The following PTPRA variants were observed in gnomAD, a reference collection of about 807,000 sequenced individuals.
PTPRA encodes receptor-type tyrosine-protein phosphatase alpha.
In PTPRA, 25 loss-of-function variants were observed where a neutral mutation model predicts 104.8. The observed-to-expected ratio is 0.24, with a 90% CI of 0.17 to 0.33. The LOEUF is 0.33. PTPRA is among the 10% of genes least tolerant of loss of function. PTPRA has a pLI of 1.00. For missense variants in PTPRA, 765 were observed against 1,015.3 expected, an observed-to-expected ratio of 0.75 and a Z score of 3.35; for synonymous variants, 323 against 368.9, an observed-to-expected ratio of 0.88 and a Z score of 1.43.
intron 1 of PTPRA, among the ~76,000 whole-genome samples, chr20:2,899,835 A>G (rs1311586031): frequency 6.6e-6 from 1 of 152,160 alleles, no homozygotes; most frequent in African/African-American, 2.4e-5. Context: ...GGCCAGGCAC[A>G]GTGGCTCTTG....
rs1351578625 is a variant in PTPRA, at chr20:2,873,628, G to T, written c.-261G>T. ...CCCTCGCCATGGAGGCGAGGCCGCC[G>T]CCGCCGCCGCGGGGCTCGGAGCCGC... is the stretch of plus-strand genomic sequence containing the variant. On this transcript the variant is annotated 5_prime_UTR_variant, in exon 1 of 24. Coordinates refer to ENST00000399903, the MANE Select transcript of PTPRA (RefSeq NM_001385305.1). This position sits in a 1 kb window ranked among gnomAD's most constrained non-coding sequence, Gnocchi z 4.4. 6.6e-6 allele frequency: 1 copy of T among 150,658 alleles called. No homozygotes were observed. Among genetic ancestry groups the T allele is most frequent in the Admixed American group, 6.6e-5 (1 of 15,118 alleles). 9.3% of individuals were successfully genotyped at this position (150,658 alleles called of 1,614,324 possible). A position where few individuals can be genotyped will look rare whatever the true frequency, so the allele number is the denominator to read the frequency against.
chr20:2,939,616 G>T (rs1456837138), intron 2 of PTPRA, among the ~76,000 whole-genome samples: 1 of 152,184 alleles, frequency 6.6e-6, no homozygotes, highest in Non-Finnish European at 1.5e-5. Flanking sequence ...GTGCTTACTG[G>T]ATCTTTCAGA....
chr20:3,017,195 T>G (rs1434306204), intron 12 of PTPRA, among the ~76,000 whole-genome samples: 3 of 152,214 alleles, frequency 2.0e-5, no homozygotes, highest in Non-Finnish European at 4.4e-5. Context: ...TTCTAGAATC[T>G]TCTTTCTTCA....
At chr20:3,024,001 A>G (rs1600273070) in intron 16 of PTPRA, among the ~76,000 whole-genome samples, 1 of 152,192 alleles carries the variant, frequency 6.6e-6, no homozygotes, top group East Asian at 1.9e-4. Context: ...AGGTTACTGG[A>G]CTTCAAAGAT....
intron 3 of PTPRA, among the ~76,000 whole-genome samples, chr20:2,949,678 G>A (rs1488242808): frequency 6.6e-6 from 1 of 151,354 alleles, no homozygotes; most frequent in Non-Finnish European, 1.5e-5. Flanking sequence ...GATTTTCAAA[G>A]GAATGCTTTC....
At chr20:2,905,359 A>G (rs1197057304) in intron 1 of PTPRA, among the ~76,000 whole-genome samples, 2 of 152,198 alleles carry the variant, frequency 1.3e-5, no homozygotes. Flanking sequence ...AATGTTTCCT[A>G]AGAAAAGTTG....
At chr20:2,869,215 T>A (rs1207947498), upstream of PTPRA, among the ~76,000 whole-genome samples, 1 of 152,086 alleles carries the variant, frequency 6.6e-6, no homozygotes, top group African/African-American at 2.4e-5. Flanking sequence ...CATTCCTCTA[T>A]GTCAATCCAT....
At chr20:3,013,707 A>C (rs2064296372) in intron 11 of PTPRA, among the ~76,000 whole-genome samples, 1 of 152,076 alleles carries the variant, frequency 6.6e-6, no homozygotes, top group Admixed American at 6.6e-5. Context: ...CACCGCGCCC[A>C]GCCTAGAATA....
At chr20:2,989,860 A>AG (rs1325420451) in intron 9 of PTPRA, among the ~76,000 whole-genome samples, 5 of 152,042 alleles carry the variant, frequency 3.3e-5, no homozygotes, top group East Asian at 1.9e-4. Flanking sequence ...TACTAAAAAT[A>AG]CAAAAAATTA....
intron 1 of PTPRA, among the ~76,000 whole-genome samples, chr20:2,894,747 G>A (rs2058929201): frequency 6.6e-6 from 1 of 152,128 alleles, no homozygotes; most frequent in Non-Finnish European, 1.5e-5. Context: ...AGCACTTTGG[G>A]AGGCTGAGGC....
chr20:2,963,680 T>G (rs1202716333), intron 3 of PTPRA, among the ~76,000 whole-genome samples: 4 of 152,142 alleles, frequency 2.6e-5, no homozygotes. Flanking sequence ...CTCCAAAATT[T>G]GAAACTTTTT....
Position 3,037,027 on chromosome 20 carries a change from G to C in PTPRA, c.2199-127G>C. 2.3e-6 allele frequency: 3 copies of C among 1,327,016 alleles called. No homozygotes were observed. The highest frequency in any genetic ancestry group is 3.1e-6 in the Non-Finnish European group (3 of 959,990). The allele number at this position is 1,327,016 out of a possible 1,614,324, so 82.2% of individuals were successfully genotyped here. ...CCCGACCCAGAACCCCTCCAGGCTG[G>C]TGGGTCCACAGGGCAAAGGCGAGCA... On this transcript the variant is annotated intron_variant, in intron 22 of 23. Coordinates refer to ENST00000399903, the MANE Select transcript of PTPRA (RefSeq NM_001385305.1). This position sits in a 1 kb window ranked among gnomAD's most constrained non-coding sequence, Gnocchi z 4.3.
Position 2,983,519 on chromosome 20 carries a change from G to T in PTPRA, c.443-3246G>T, listed in dbSNP as rs529613367. 2.0e-5 allele frequency among the ~76,000 whole-genome samples: 3 copies of T among 149,612 alleles called. No individual in the cohort carries two copies. In the South Asian group the frequency reaches 6.4e-4, roughly 32 times the overall value. ...GGGGCAGAGGCTTACTGTGATCCAGGTGAGAGAGGATGGAGGTTGGGACTA... is the reference window on the plus strand; with the variant it reads ...GGGGCAGAGGCTTACTGTGATCCAGTTGAGAGAGGATGGAGGTTGGGACTA... On this transcript the variant is annotated intron_variant, in intron 6 of 23. Transcript: ENST00000399903.
intron 3 of PTPRA, among the ~76,000 whole-genome samples, chr20:2,953,613 GTT>G (rs201447901): frequency 1.4e-5 from 2 of 139,924 alleles, no homozygotes; most frequent in Non-Finnish European, 1.6e-5. Context: ...TTGGTGTTTT[GTT>G]TTTTTTTTTT....
At chr20:2,896,402 G>A (rs564395770) in intron 1 of PTPRA, among the ~76,000 whole-genome samples, 107 of 152,094 alleles carry the variant, frequency 7.0e-4, no homozygotes, top group African/African-American at 2.4e-3. Flanking sequence ...AAAAACAAAC[G>A]AAAACACACA....
chr20:3,017,800 C>T lies in PTPRA; in HGVS notation c.944-16C>T. 6.2e-7 allele frequency: 1 copy of T among 1,608,024 alleles called. No homozygotes were observed. Among genetic ancestry groups the T allele is most frequent in the Non-Finnish European group, 8.5e-7 (1 of 1,174,574 alleles). ...TTGGTGTATATTCTCTTCATTTTTG[C>T]TGTTGGCTACTTTAGGACCAAAAGA... On this transcript the variant is annotated splice_polypyrimidine_tract_variant and intron_variant, in intron 12 of 23. Transcript: ENST00000399903.
chr20:2,915,185 G>C (rs989919857), intron 1 of PTPRA, among the ~76,000 whole-genome samples: 2 of 151,772 alleles, frequency 1.3e-5, no homozygotes, highest in African/African-American at 4.8e-5. Context: ...AACTTTCACT[G>C]GGCTCAAGTA....
At chr20:2,977,918 G>C (rs1264431278) in intron 6 of PTPRA, among the ~76,000 whole-genome samples, 1 of 152,096 alleles carries the variant, frequency 6.6e-6, no homozygotes, top group African/African-American at 2.4e-5. Context: ...AGGGAACTCA[G>C]AAGGCTCATT....
intron 9 of PTPRA, among the ~76,000 whole-genome samples, chr20:3,003,315 T>A (rs960321072): frequency 6.6e-6 from 1 of 152,200 alleles, no homozygotes; most frequent in African/African-American, 2.4e-5. Context: ...CATGAATTGT[T>A]CCTCTACTGC....
Sources: allele counts gnomAD v4.1 joint callset (sites outside exome capture counted in the v4.1 genomes callset), GRCh38; gene constraint gnomAD v4.1.1; non-coding constraint Gnocchi (gnomAD v3.1); transcripts MANE v1.5; gene names NCBI Gene and HGNC (gene_info 2026-07-23, HGNC 2026-07-21).